Variants in TACR3 observed in about 807,000 individuals in gnomAD.
TACR3 encodes the protein neuromedin-K receptor.
Under a neutral mutation model 35.0 loss-of-function variants are expected in TACR3, and 34 were observed. The observed-to-expected ratio is 0.97, with a 90% CI of 0.74 to 1.30. TACR3 has a LOEUF of 1.30. TACR3 is among the 50% of genes most tolerant of loss of function. TACR3 has a pLI of 0.00. For synonymous variants in TACR3, 233 were observed against 221.1 expected (o/e 1.05, Z -0.48); for missense variants, 558 against 591.7 (o/e 0.94, Z 0.59).
intron 3 of TACR3, among the ~76,000 whole-genome samples, chr4:103,609,907 A>G (rs772012753): frequency 6.6e-6 from 1 of 152,080 alleles, no homozygotes; most frequent in Admixed American, 6.6e-5. Context: ...TTGGCTTAAC[A>G]TAATGTCCTC....
At position 103,719,522 on chromosome 4, in the gene TACR3, A is replaced by C. The variant is rs759571715; in HGVS notation, c.154T>G (p.Ser52Ala). 2.5e-6 allele frequency: 4 copies of C among 1,609,034 alleles called. No individual in the cohort carries two copies. Among genetic ancestry groups the C allele is most frequent in the Non-Finnish European group, 3.4e-6 (4 of 1,176,078 alleles). ...LQLLDQAGNLSSSPSALGLPV... is the reference protein window; with the variant it reads ...LQLLDQAGNLASSPSALGLPV... The stretch of plus-strand genomic sequence containing the variant: ...AGTCCCAGCGCGGAAGGGGAGGAGG[A>C]GAGGTTGCCAGCTTGGTCCAGCAGT... Residue 52 changes from serine (S) to alanine (A), a missense_variant, in exon 1 of 5, where the codon TCC (serine) becomes GCC (alanine). Ser to Ala is a moderately conservative substitution (Grantham distance 99). Transcript: ENST00000304883.
intron 1 of TACR3, among the ~76,000 whole-genome samples, chr4:103,711,619 A>G (rs1722963261): frequency 6.6e-6 from 1 of 152,160 alleles, no homozygotes. Flanking sequence ...CTCCTATTCA[A>G]CATAATGTTG....
intron 1 of TACR3, among the ~76,000 whole-genome samples, chr4:103,700,232 C>G (rs1341107578): frequency 6.6e-6 from 1 of 152,060 alleles, no homozygotes; most frequent in Non-Finnish European, 1.5e-5. Flanking sequence ...TCGAATATTA[C>G]TTTGTATTCC....
rs1004059010 is a variant in TACR3, at chr4:103,586,133, A to G, written c.*3549T>C. 14 of 152,052 alleles carry G rather than the reference A, an allele frequency of 9.2e-5. No individual in the cohort carries two copies. Among genetic ancestry groups the G allele is most frequent in the Non-Finnish European group, 1.9e-4 (13 of 67,990 alleles). 9.4% of individuals were successfully genotyped at this position (152,052 alleles called of 1,614,324 possible). A position where few individuals can be genotyped will look rare whatever the true frequency, so the allele number is the denominator to read the frequency against. On this transcript the variant is annotated 3_prime_UTR_variant, in exon 5 of 5. Coordinates refer to ENST00000304883, the MANE Select transcript of TACR3 (RefSeq NM_001059.3). ...GGGTGTAAATACATTAAACATATTC[A>G]ATATAATTACCACAACTTGAAAATA...
intron 3 of TACR3, among the ~76,000 whole-genome samples, chr4:103,633,570 C>G (rs951509853): frequency 6.6e-6 from 1 of 152,116 alleles, no homozygotes; most frequent in Non-Finnish European, 1.5e-5. Context: ...CCCTCCCACT[C>G]TTCCCCACAA....
intron 1 of TACR3, among the ~76,000 whole-genome samples, chr4:103,704,104 A>G (rs964227773): frequency 2.1e-5 from 1 of 47,784 alleles, no homozygotes; most frequent in African/African-American, 1.2e-4. Flanking sequence ...ACTCTATCTC[A>G]CAAAAAAAAA....
At chr4:103,692,564 C>T (rs867482038) in intron 1 of TACR3, among the ~76,000 whole-genome samples, 14 of 152,262 alleles carry the variant, frequency 9.2e-5, no homozygotes, top group South Asian at 2.1e-4. Flanking sequence ...GATTAACCAA[C>T]TTTCTGTAAT....
chr4:103,635,821 A>G (rs1212349959), intron 3 of TACR3, among the ~76,000 whole-genome samples: 1 of 151,988 alleles, frequency 6.6e-6, no homozygotes, highest in Non-Finnish European at 1.5e-5. Context: ...CTAGAAAACA[A>G]TGATCCTACC....
intron 1 of TACR3, among the ~76,000 whole-genome samples, chr4:103,708,223 CT>C (rs1722843793): frequency 3.9e-5 from 6 of 152,210 alleles, no homozygotes; most frequent in Admixed American, 2.6e-4. Context: ...TCCTTGACCC[CT>C]GAGTAGCCTA....
At chr4:103,601,682 A>T (rs1724205621) in intron 3 of TACR3, among the ~76,000 whole-genome samples, 2 of 152,098 alleles carry the variant, frequency 1.3e-5, no homozygotes, top group Admixed American at 6.5e-5. Flanking sequence ...TGGGATGAAA[A>T]TTCTTTTCTT....
intron 1 of TACR3, among the ~76,000 whole-genome samples, chr4:103,699,510 G>C (rs1722598862): frequency 6.6e-6 from 1 of 152,134 alleles, no homozygotes; most frequent in African/African-American, 2.4e-5. Context: ...TGATTCCATT[G>C]CTAATAGGTT....
intron 3 of TACR3, among the ~76,000 whole-genome samples, chr4:103,594,897 CT>C (rs1230833201): frequency 7.3e-6 from 1 of 136,518 alleles, no homozygotes; most frequent in African/African-American, 2.5e-5. Flanking sequence ...AATATATTTT[CT>C]GTACTTATTT....
chr4:103,591,730 G>C (rs200457434), intron 3 of TACR3, 47 bp from the exon 4 acceptor site: 2 of 1,521,068 alleles, frequency 1.3e-6, no homozygotes, highest in Non-Finnish European at 1.8e-6. Context: ...ACTCATAATA[G>C]TTCCAATAGC....
chr4:103,635,574 G>A (rs1725169387), intron 3 of TACR3, among the ~76,000 whole-genome samples: 1 of 151,872 alleles, frequency 6.6e-6, no homozygotes, highest in Admixed American at 6.6e-5. Flanking sequence ...GGAAAACTTT[G>A]GCTCTAACCA....
intron 1 of TACR3, among the ~76,000 whole-genome samples, chr4:103,700,510 C>G (rs1035898735): frequency 6.6e-6 from 1 of 152,176 alleles, no homozygotes; most frequent in Non-Finnish European, 1.5e-5. Flanking sequence ...ACTACAAACA[C>G]TGTGCTAATT....
intron 1 of TACR3, among the ~76,000 whole-genome samples, chr4:103,689,070 TA>T (rs375676054): frequency 0.037 from 5,561 of 151,170 alleles, 116 homozygotes; most frequent in Non-Finnish European, 0.048. Flanking sequence ...TATGCAGCCA[TA>T]AAAAAATGAT....
At chr4:103,674,990 A>C (rs999363242) in intron 1 of TACR3, among the ~76,000 whole-genome samples, 1 of 152,232 alleles carries the variant, frequency 6.6e-6, no homozygotes, top group Non-Finnish European at 1.5e-5. Flanking sequence ...TTCAGAAGAA[A>C]TCTTACTATA....
At chr4:103,713,644 A>T (rs1357727723) in intron 1 of TACR3, among the ~76,000 whole-genome samples, 1 of 152,080 alleles carries the variant, frequency 6.6e-6, no homozygotes, top group East Asian at 1.9e-4. Context: ...AAGGAAAAAA[A>T]AGACAGAAAA....
At chr4:103,625,798 C>A (rs1724877229) in intron 3 of TACR3, among the ~76,000 whole-genome samples, 1 of 151,664 alleles carries the variant, frequency 6.6e-6, no homozygotes, top group Non-Finnish European at 1.5e-5. Context: ...GAAGTCCTAA[C>A]CCCCAGTACC....
Sources: gnomAD v4.1 joint callset for allele counts (sites outside exome capture counted in the v4.1 genomes callset) on GRCh38, gnomAD v4.1.1 for gene constraint, MANE v1.5 for transcripts, NCBI Gene and HGNC (gene_info 2026-07-23, HGNC 2026-07-21) for gene names.